ADAM23: variants seen among roughly 807,000 people sequenced by gnomAD.
The protein encoded by ADAM23 is disintegrin and metalloproteinase domain-containing protein 23.
A neutral mutation model predicts 120.1 loss-of-function variants in ADAM23; 33 were observed. The observed-to-expected ratio is 0.27, with a 90% CI of 0.21 to 0.37. The LOEUF (loss-of-function observed/expected upper bound fraction) is 0.37, where lower values mean the gene tolerates loss of function less well. Ranked by LOEUF, ADAM23 falls within the 10% of genes least tolerant of loss-of-function variation. The pLI, the probability that ADAM23 is intolerant of heterozygous loss-of-function variation, is 1.00. For missense variants in ADAM23, 862 were observed against 1,058.2 expected (o/e 0.81, Z 2.57); for synonymous variants, 367 against 375.2 (o/e 0.98, Z 0.25).
At chr2:206,607,986 A>G in intron 24 of ADAM23, 2 of 452,710 alleles carry the variant, frequency 4.4e-6, no homozygotes, top group African/African-American at 2.0e-5. Context: ...CGAAGTGCAA[A>G]TCATATCCAA....
intron 3 of ADAM23, among the ~76,000 whole-genome samples, chr2:206,499,505 A>G (rs1223357816): frequency 4.6e-4 from 47 of 102,140 alleles, no homozygotes; most frequent in Admixed American, 1.7e-3. Flanking sequence ...GGGTGGGGGG[A>G]GGGGGGATAG....
chr2:206,584,427 T>G (rs1477527749), intron 18 of ADAM23, among the ~76,000 whole-genome samples: 2 of 152,170 alleles, frequency 1.3e-5, no homozygotes, highest in African/African-American at 4.8e-5. Context: ...CTCCCAAGAT[T>G]ATATGCCCTT....
chr2:206,447,349 T>C (rs1000513435), intron 2 of ADAM23, among the ~76,000 whole-genome samples: 1 of 152,220 alleles, frequency 6.6e-6, no homozygotes, highest in African/African-American at 2.4e-5. Context: ...TAAACATTTG[T>C]TGCACCTTTC....
At chr2:206,505,312 T>G (rs753595000) in intron 3 of ADAM23, among the ~76,000 whole-genome samples, 1 of 152,220 alleles carries the variant, frequency 6.6e-6, no homozygotes. Flanking sequence ...TGTTATAGTG[T>G]CCAAAGTGCC....
At chr2:206,560,280 T>C (rs1697737571) in intron 11 of ADAM23, among the ~76,000 whole-genome samples, 162 bp downstream of exon 11, 1 of 152,074 alleles carries the variant, frequency 6.6e-6, no homozygotes, top group Admixed American at 6.6e-5. Context: ...GGATATCCCA[T>C]GCTGGGATGC....
At chr2:206,600,251 A>C (rs370624572) in intron 24 of ADAM23, among the ~76,000 whole-genome samples, 5 of 152,316 alleles carry the variant, frequency 3.3e-5, no homozygotes, top group Admixed American at 2.0e-4. Context: ...TCATGATCCA[A>C]CTGGTTTGGT....
intron 21 of ADAM23, among the ~76,000 whole-genome samples, chr2:206,592,074 A>G (rs1698436049): frequency 6.6e-6 from 1 of 152,112 alleles, no homozygotes; most frequent in African/African-American, 2.4e-5. Context: ...GACCCAGATA[A>G]TTTCTGCCCC....
chr2:206,477,616 T>C (rs1695799593), intron 2 of ADAM23, among the ~76,000 whole-genome samples: 1 of 152,120 alleles, frequency 6.6e-6, no homozygotes, highest in Admixed American at 6.6e-5. Flanking sequence ...TCATGAACTC[T>C]TCTCTGAAGC....
At chr2:206,470,766 G>C (rs1695641109) in intron 2 of ADAM23, among the ~76,000 whole-genome samples, 1 of 152,280 alleles carries the variant, frequency 6.6e-6, no homozygotes, top group African/African-American at 2.4e-5. Context: ...CGTAGATGAG[G>C]TCAGAATTCA....
chr2:206,596,371 C>T (rs1288297251), intron 24 of ADAM23, among the ~76,000 whole-genome samples: 1 of 152,160 alleles, frequency 6.6e-6, no homozygotes, highest in Non-Finnish European at 1.5e-5. Flanking sequence ...TAGTCTAGAA[C>T]TGAGATTGGG....
At chr2:206,475,151 TG>T (rs779888809) in intron 2 of ADAM23, among the ~76,000 whole-genome samples, 3 of 152,214 alleles carry the variant, frequency 2.0e-5, no homozygotes, top group Non-Finnish European at 4.4e-5. Flanking sequence ...ACCAATTGCA[TG>T]GGGTGCTGTG....
chr2:206,470,029 C>G (rs1012684660), intron 2 of ADAM23, among the ~76,000 whole-genome samples: 1 of 152,170 alleles, frequency 6.6e-6, no homozygotes, highest in African/African-American at 2.4e-5. Context: ...TATCACTCAT[C>G]ACTATCTAAC....
At chr2:206,516,652 A>T (rs1476409365) in intron 3 of ADAM23, among the ~76,000 whole-genome samples, 1 of 152,048 alleles carries the variant, frequency 6.6e-6, no homozygotes, top group Admixed American at 6.6e-5. Context: ...ATCTAAACCT[A>T]ATTACCTCCT....
chr2:206,493,193 T>C (rs2105887109), intron 3 of ADAM23, among the ~76,000 whole-genome samples: 1 of 152,286 alleles, frequency 6.6e-6, no homozygotes, highest in South Asian at 2.1e-4. Context: ...CCTAATCTTT[T>C]AAAATTAATT....
At position 206,565,021 on chromosome 2, in the gene ADAM23, A is replaced by G; in HGVS notation, c.1347A>G (p.Lys449=). 6.2e-7 allele frequency: 1 copy of G among 1,614,046 alleles called. No individual in the cohort carries two copies. Among genetic ancestry groups the G allele is most frequent in the Non-Finnish European group, 8.5e-7 (1 of 1,179,966 alleles). ...IQWEPSSRKP[K]CDCTESWGGC... Reference sequence around the variant, plus strand: ...GCTTTTATTGTTTTATTGGACCAGAATGTGACTGCACAGAATCCTGGGGTG... The same window carrying G: ...GCTTTTATTGTTTTATTGGACCAGAGTGTGACTGCACAGAATCCTGGGGTG... Residue 449 remains lysine (K), a splice_region_variant and synonymous_variant, in exon 14 of 26, where the codon AAA becomes AAG. Coordinates refer to ENST00000264377, the MANE Select transcript of ADAM23 (RefSeq NM_003812.4).
At chr2:206,614,118 C>T (rs1225162481) in intron 25 of ADAM23, among the ~76,000 whole-genome samples, 4 of 152,162 alleles carry the variant, frequency 2.6e-5, no homozygotes, top group African/African-American at 9.6e-5. Context: ...TCATCAGTGG[C>T]CATACTGGCC....
chr2:206,477,444 T>C (rs1695796415), intron 2 of ADAM23, among the ~76,000 whole-genome samples: 1 of 152,200 alleles, frequency 6.6e-6, no homozygotes, highest in Admixed American at 6.6e-5. Flanking sequence ...GTGGTAATTC[T>C]GAGCCCAGGG....
chr2:206,567,120 G>T, intron 14 of ADAM23, 103 bp from the exon 15 acceptor site: 2 of 887,576 alleles, frequency 2.3e-6, no homozygotes. Flanking sequence ...AGATTCATTT[G>T]GATTCAAAGT....
In ADAM23 at chr2:206,443,927, G is replaced by A. The variant is rs768466123; in HGVS notation, c.61G>A (p.Ala21Thr). ...CCTGGCGGGCTGCAGCCTTGCCGGC[G>A]CTTCCTGCGGCCCCCAACGCGGCCC... is the stretch of plus-strand genomic sequence containing the variant. ...PPLAGCSLAG[A>T]SCGPQRGPAG... The change falls in exon 1 of 26, where the codon GCT (alanine) becomes ACT (threonine). Residue 21 changes from alanine to threonine, a missense_variant. Ala to Thr is a moderately conservative substitution (Grantham distance 58). Transcript: ENST00000264377. 1 of 1,230,748 alleles carries A rather than the reference G, an allele frequency of 8.1e-7. No homozygotes were observed. Among genetic ancestry groups the A allele is most frequent in the Non-Finnish European group, 1.0e-6 (1 of 990,480 alleles). The allele number at this position is 1,230,748 out of a possible 1,614,324, so 76.2% of individuals were successfully genotyped here.
Sources: gnomAD v4.1 joint callset for allele counts (sites outside exome capture counted in the v4.1 genomes callset) on GRCh38, gnomAD v4.1.1 for gene constraint, MANE v1.5 for transcripts, NCBI Gene and HGNC (gene_info 2026-07-23, HGNC 2026-07-21) for gene names.